The following C1orf141 variants were observed in gnomAD, a reference collection of about 807,000 sequenced individuals.
The protein encoded by C1orf141 is uncharacterized protein C1orf141.
Under a neutral mutation model 23.2 loss-of-function variants are expected in C1orf141, and 19 were observed. The ratio of observed to expected loss-of-function variants is 0.82; its 90% CI spans 0.57 to 1.20. The LOEUF is 1.20. Ranked by LOEUF, C1orf141 falls within the 50% of genes most tolerant of loss-of-function variation. C1orf141 has a pLI of 0.00. For synonymous variants in C1orf141, 153 were observed against 154.6 expected (o/e 0.99, Z 0.08); for missense variants, 469 against 455.1 (o/e 1.03, Z -0.28).
chr1:67,093,034 A>T lies in C1orf141; in HGVS notation c.1174T>A (p.Leu392Ile). The change falls in exon 8 of 8, where the codon TTA (leucine) becomes ATA (isoleucine). Residue 392 changes from leucine to isoleucine, a missense_variant. This residue lies in a region of C1orf141 where 370 missense variants were observed against 348.1 expected (regional missense o/e 1.06). Coordinates refer to ENST00000684719, the MANE Select transcript of C1orf141 (RefSeq NM_001276351.2). ...GAGGCATTTAAAATTTCATTTGATA[A>T]GTTTAACAAATTATCCAGTGGCGTT... ...NVTPLDNLLNLSNEILNAS is the reference protein window; with the variant it reads ...NVTPLDNLLNISNEILNAS The T allele has an allele frequency of 6.3e-7, 1 of 1,586,608 alleles. No homozygotes were observed. Among genetic ancestry groups the T allele is most frequent in the South Asian group, 1.1e-5 (1 of 87,498 alleles).
At chr1:67,121,310 T>C (rs1176577123) in intron 4 of C1orf141, among the ~76,000 whole-genome samples, 5 of 152,242 alleles carry the variant, frequency 3.3e-5, no homozygotes, top group Non-Finnish European at 5.9e-5. Context: ...AGGTAAGGCA[T>C]ACTTTTTTTG....
intron 4 of C1orf141, among the ~76,000 whole-genome samples, chr1:67,116,476 A>G (rs1242949858): frequency 6.6e-6 from 1 of 151,576 alleles, no homozygotes; most frequent in Non-Finnish European, 1.5e-5. Context: ...CTGCTATTAC[A>G]CTTGTCCTCA....
intron 5 of C1orf141, chr1:67,103,173 T>C: frequency 5.9e-6 from 5 of 849,586 alleles, no homozygotes; most frequent in Non-Finnish European, 8.5e-6. Context: ...TTCTTAATGC[T>C]TACACACTAA....
intron 2 of C1orf141, among the ~76,000 whole-genome samples, chr1:67,128,506 C>T (rs1272629492): frequency 6.6e-6 from 1 of 152,040 alleles, no homozygotes; most frequent in Non-Finnish European, 1.5e-5. Context: ...GAGTTCAAGA[C>T]CAGCCTGGCC....
chr1:67,095,300 C>T lies in C1orf141; in HGVS notation c.538G>A (p.Glu180Lys), dbSNP rs761949002. ...KSLLPLCFED[E>K]LKNPHAKIVN... is the part of the protein sequence containing the mutation. Reference sequence around the variant, plus strand: ...ATCTTGGCATGTGGATTTTTCAATTCATCCTCAAAGCACAACGGGAGCAAG... The same window carrying T: ...ATCTTGGCATGTGGATTTTTCAATTTATCCTCAAAGCACAACGGGAGCAAG... The change falls in exon 7 of 8, where the codon GAA becomes AAA. Residue 180 changes from glutamate (E) to lysine (K), a missense_variant. By Grantham distance (56) the Glu-to-Lys change is moderately conservative (BLOSUM62 1). Transcript: ENST00000684719. 1 of 1,608,112 alleles carries T rather than the reference C, an allele frequency of 6.2e-7. No individual in the cohort carries two copies. Among genetic ancestry groups the T allele is most frequent in the South Asian group, 1.1e-5 (1 of 90,202 alleles).
intron 1 of C1orf141, among the ~76,000 whole-genome samples, chr1:67,131,672 C>G (rs967387525): frequency 6.6e-6 from 1 of 152,016 alleles, no homozygotes; most frequent in Admixed American, 6.6e-5. Context: ...ACGTCCTGCC[C>G]TTTTCTCAAG....
chr1:67,112,254 G>T (rs1257997080), intron 5 of C1orf141, among the ~76,000 whole-genome samples: 1 of 152,294 alleles, frequency 6.6e-6, no homozygotes, highest in East Asian at 1.9e-4. Context: ...TGAAATAATA[G>T]ATGTAACAAA....
At chr1:67,094,878 C>T (rs74078936) in intron 7 of C1orf141, 4,557 of 168,108 alleles carry the variant, frequency 0.027, 210 homozygotes, top group African/African-American at 0.1. Context: ...CAAGCAGTTC[C>T]CCTGCCTCAG....
At chr1:67,140,746 T>A (rs1646629183) in intron 1 of C1orf141, among the ~76,000 whole-genome samples, 1 of 152,194 alleles carries the variant, frequency 6.6e-6, no homozygotes, top group African/African-American at 2.4e-5. Context: ...TTTTTTATAA[T>A]GGTAAAAAAT....
intron 5 of C1orf141, chr1:67,102,634 A>AT (rs891780413): frequency 1.3e-5 from 2 of 152,038 alleles, no homozygotes; most frequent in African/African-American, 4.8e-5. Context: ...GGAACTGGAC[A>AT]TTTTTTCCCC....
At chr1:67,138,114 G>A (rs1398264492), upstream of C1orf141, among the ~76,000 whole-genome samples, 1 of 152,106 alleles carries the variant, frequency 6.6e-6, no homozygotes. Context: ...TTACAGATTT[G>A]GGGACTTTCC....
intron 2 of C1orf141, among the ~76,000 whole-genome samples, chr1:67,130,016 A>G (rs1049173199): frequency 6.6e-6 from 1 of 152,210 alleles, no homozygotes; most frequent in African/African-American, 2.4e-5. Context: ...TGACAGGGTA[A>G]AGGCATTAGC....
chr1:67,095,400 G>T lies in C1orf141; in HGVS notation c.438C>A (p.Asn146Lys). The change falls in exon 7 of 8, where the codon AAC becomes AAA. Residue 146 changes from asparagine to lysine, a missense_variant. This residue lies in a region of C1orf141 where 370 missense variants were observed against 348.1 expected (regional missense o/e 1.06). Coordinates refer to ENST00000684719, the MANE Select transcript of C1orf141 (RefSeq NM_001276351.2). Reference protein sequence around the residue: ...RNKRKKSPQMNDFNIKENKSV... With the variant: ...RNKRKKSPQMKDFNIKENKSV... The stretch of plus-strand genomic sequence containing the variant: ...ATTTGTTTTCTTTTATATTAAAATC[G>T]TTCATCTGTGGAGATTTTTTTCTGA... 1 of 1,542,740 alleles carries T rather than the reference G, an allele frequency of 6.5e-7. No individual in the cohort carries two copies. Among genetic ancestry groups the T allele is most frequent in the Non-Finnish European group, 8.8e-7 (1 of 1,135,148 alleles).
chr1:67,126,001 T>TACAC (rs147605412), intron 3 of C1orf141, 92 bp from the exon 4 acceptor site: 18 of 1,183,096 alleles, frequency 1.5e-5, no homozygotes, highest in Admixed American at 6.2e-5. Context: ...AATCTCACTT[T>TACAC]ACACACACAC....
At chr1:67,103,460 G>A in intron 5 of C1orf141, 1 of 821,660 alleles carries the variant, frequency 1.2e-6, no homozygotes, top group Non-Finnish European at 1.7e-6. Flanking sequence ...TTATGCTTGA[G>A]TATTCACATT....
intron 4 of C1orf141, chr1:67,121,463 C>T (rs1646297591): frequency 6.6e-6 from 1 of 152,040 alleles, no homozygotes; most frequent in Non-Finnish European, 1.5e-5. Context: ...CAATTTCTAC[C>T]AATGTGATAT....
At chr1:67,110,029 T>A (rs1263867721) in intron 5 of C1orf141, among the ~76,000 whole-genome samples, 1 of 152,102 alleles carries the variant, frequency 6.6e-6, no homozygotes, top group Non-Finnish European at 1.5e-5. Context: ...ATTACTATAA[T>A]GTAAATGAAA....
intron 5 of C1orf141, among the ~76,000 whole-genome samples, chr1:67,102,350 A>C (rs926565926): frequency 1.6e-5 from 2 of 124,576 alleles, no homozygotes; most frequent in African/African-American, 6.8e-5. Flanking sequence ...GTGTGTGTGT[A>C]ATATAAAAAG....
intron 1 of C1orf141, among the ~76,000 whole-genome samples, chr1:67,141,595 T>C (rs1435581949): frequency 1.3e-5 from 2 of 151,908 alleles, no homozygotes; most frequent in Admixed American, 6.6e-5. Context: ...CCATCTCTAC[T>C]AAAATTAAAA....
Sources: gnomAD v4.1 joint callset for allele counts (sites outside exome capture counted in the v4.1 genomes callset) on GRCh38, gnomAD v4.1.1 for gene constraint, gnomAD v4.1.1 regional missense constraint, MANE v1.5 for transcripts, NCBI Gene and HGNC (gene_info 2026-07-23, HGNC 2026-07-21) for gene names.